Variants in BMP5 observed in about 807,000 individuals in gnomAD.
BMP5 encodes the protein bone morphogenetic protein 5.
BMP5 carries 23 observed loss-of-function variants against 46.6 expected under a neutral mutation model. That is an observed-to-expected ratio of 0.49 (90% CI 0.35 to 0.70). The LOEUF (loss-of-function observed/expected upper bound fraction) is 0.70, where lower values mean the gene tolerates loss of function less well. Ranked by LOEUF, BMP5 falls within the 30% of genes least tolerant of loss-of-function variation. The pLI is 0.00. For missense variants in BMP5, 545 were observed against 565.6 expected (o/e 0.96, Z 0.37); for synonymous variants, 204 against 191.9 (o/e 1.06, Z -0.52).
chr6:55,816,729 A>C (rs2127537401), intron 2 of BMP5, among the ~76,000 whole-genome samples: 1 of 152,272 alleles, frequency 6.6e-6, no homozygotes, highest in South Asian at 2.1e-4. Context: ...GATATTAATA[A>C]GTACTACACA....
intron 1 of BMP5, among the ~76,000 whole-genome samples, chr6:55,826,067 C>CA (rs1247223514): frequency 1.3e-5 from 2 of 151,856 alleles, no homozygotes; most frequent in East Asian, 3.9e-4. Context: ...ACTAGTCCAC[C>CA]AAAAAACATA....
chr6:55,759,173 A>AAAAAAAAAAAAAAAAAAAAAC, intron 5 of BMP5, 58 bp from the exon 6 acceptor site: 1 of 839,416 alleles, frequency 1.2e-6, no homozygotes, highest in Non-Finnish European at 1.8e-6. Flanking sequence ...AAAAAAAAAA[A>AAAAAAAAAAAAAAAAAAAAAC]AAAAAAAAAA....
chr6:55,773,486 G>T (rs1775094187), intron 4 of BMP5, among the ~76,000 whole-genome samples: 1 of 137,196 alleles, frequency 7.3e-6, no homozygotes. Context: ...GTAATATTTT[G>T]TTGAAAGACT....
chr6:55,847,029 C>G (rs1246675125), intron 1 of BMP5, among the ~76,000 whole-genome samples: 1 of 151,736 alleles, frequency 6.6e-6, no homozygotes, highest in African/African-American at 2.4e-5. Context: ...GGGTAACCAG[C>G]AAGGGGCCCA....
chr6:55,840,508 C>A (rs988473459), intron 1 of BMP5, among the ~76,000 whole-genome samples: 1 of 152,014 alleles, frequency 6.6e-6, no homozygotes, highest in African/African-American at 2.4e-5. Flanking sequence ...GTATAGATTT[C>A]TTTCATGATA....
At chr6:55,827,105 T>C (rs1002519582) in intron 1 of BMP5, among the ~76,000 whole-genome samples, 2 of 151,720 alleles carry the variant, frequency 1.3e-5, no homozygotes, top group African/African-American at 4.8e-5. Flanking sequence ...GTGGAGACAA[T>C]AGAACACTGG....
At chr6:55,779,812 C>A (rs1775263693) in intron 3 of BMP5, among the ~76,000 whole-genome samples, 1 of 151,984 alleles carries the variant, frequency 6.6e-6, no homozygotes, top group Non-Finnish European at 1.5e-5. Context: ...TGAAGTATCA[C>A]AAACAGAAAT....
chr6:55,770,947 T>C (rs925204380), intron 4 of BMP5, among the ~76,000 whole-genome samples: 2 of 151,784 alleles, frequency 1.3e-5, no homozygotes, highest in South Asian at 4.1e-4. Flanking sequence ...ATATCAAAGA[T>C]CACTGATAAC....
At chr6:55,801,369 G>A (rs1316808739) in intron 2 of BMP5, among the ~76,000 whole-genome samples, 1 of 152,124 alleles carries the variant, frequency 6.6e-6, no homozygotes, top group African/African-American at 2.4e-5. Context: ...CTGAATCTAG[G>A]GCAAGGCATC....
intron 1 of BMP5, among the ~76,000 whole-genome samples, chr6:55,847,756 G>T (rs1011730698): frequency 2.0e-5 from 3 of 151,824 alleles, no homozygotes; most frequent in Non-Finnish European, 4.4e-5. Context: ...ATTCTCCACT[G>T]TGTAGAATAT....
chr6:55,823,416 A>T (rs1776455850), intron 1 of BMP5, among the ~76,000 whole-genome samples: 1 of 152,094 alleles, frequency 6.6e-6, no homozygotes, highest in Non-Finnish European at 1.5e-5. Flanking sequence ...CTTTCCACTC[A>T]GCAACTCCTG....
At chr6:55,814,769 C>A (rs1015679239) in intron 2 of BMP5, among the ~76,000 whole-genome samples, 1 of 152,068 alleles carries the variant, frequency 6.6e-6, no homozygotes, top group Non-Finnish European at 1.5e-5. Flanking sequence ...TGTCAATGAA[C>A]CAATGCTTAT....
At chr6:55,824,305 C>G (rs1290374920) in intron 1 of BMP5, among the ~76,000 whole-genome samples, 3 of 151,882 alleles carry the variant, frequency 2.0e-5, no homozygotes, top group Non-Finnish European at 4.4e-5. Flanking sequence ...GAAGTGTATA[C>G]TATTATTGGC....
chr6:55,822,456 A>G (rs1776431935), intron 1 of BMP5, among the ~76,000 whole-genome samples: 1 of 152,136 alleles, frequency 6.6e-6, no homozygotes, highest in Non-Finnish European at 1.5e-5. Flanking sequence ...GACAAATACT[A>G]TACTTCATGA....
chr6:55,783,703 A>G (rs1016593888), intron 3 of BMP5, among the ~76,000 whole-genome samples: 5 of 151,992 alleles, frequency 3.3e-5, no homozygotes, highest in Non-Finnish European at 7.4e-5. Context: ...CCATGAAAAT[A>G]TTTACCCCAC....
intron 4 of BMP5, among the ~76,000 whole-genome samples, chr6:55,767,409 A>T (rs997149873): frequency 4.6e-5 from 7 of 152,028 alleles, no homozygotes; most frequent in Admixed American, 4.6e-4. Context: ...AACTCATTTA[A>T]TCCTCAGAAC....
intron 1 of BMP5, among the ~76,000 whole-genome samples, chr6:55,845,715 C>A (rs182157716): frequency 1.3e-5 from 2 of 152,066 alleles, no homozygotes; most frequent in East Asian, 3.9e-4. Context: ...GGTTGTGATG[C>A]TTCTCCCCTT....
At chr6:55,846,805 C>A (rs1162471889) in intron 1 of BMP5, among the ~76,000 whole-genome samples, 1 of 151,178 alleles carries the variant, frequency 6.6e-6, no homozygotes, top group African/African-American at 2.4e-5. Context: ...GAGTAATACC[C>A]AAGTTTTATA....
chr6:55,758,038 T>G (rs2127514499), intron 6 of BMP5, among the ~76,000 whole-genome samples: 1 of 152,064 alleles, frequency 6.6e-6, no homozygotes, highest in South Asian at 2.1e-4. Flanking sequence ...TCACAAATTC[T>G]AAGAGTAATT....
Sources: allele counts gnomAD v4.1 joint callset (sites outside exome capture counted in the v4.1 genomes callset), GRCh38; gene constraint gnomAD v4.1.1; transcripts MANE v1.5; gene names NCBI Gene and HGNC (gene_info 2026-07-23, HGNC 2026-07-21).